Variants in CNOT4 observed in about 807,000 individuals in gnomAD.
CNOT4 encodes the protein CCR4-NOT transcription complex subunit 4.
Under a neutral mutation model 73.8 loss-of-function variants are expected in CNOT4, and 8 were observed. The ratio of observed to expected loss-of-function variants is 0.11; its 90% CI spans 0.06 to 0.20. The LOEUF (loss-of-function observed/expected upper bound fraction) is 0.20, where lower values mean the gene tolerates loss of function less well. Among genes scored for constraint, CNOT4 ranks in the 10% least tolerant of loss-of-function variants. CNOT4 has a pLI of 1.00. For synonymous variants in CNOT4, 293 were observed against 321.1 expected (o/e 0.91, Z 0.94); for missense variants, 564 against 883.4 (o/e 0.64, Z 4.58).
intron 10 of CNOT4, among the ~76,000 whole-genome samples, chr7:135,375,674 C>T (rs187253759): frequency 1.3e-4 from 20 of 152,266 alleles, no homozygotes; most frequent in African/African-American, 4.8e-4. Context: ...CCTGTAATCC[C>T]AGCACTTTGG....
chr7:135,493,790 G>A (rs1260260632), intron 1 of CNOT4, among the ~76,000 whole-genome samples: 1 of 152,172 alleles, frequency 6.6e-6, no homozygotes, highest in African/African-American at 2.4e-5. Context: ...GGGGAATCAT[G>A]CTTTTGGTCT....
chr7:135,394,453 T>C (rs112462371), intron 9 of CNOT4, 38 bp from the exon 10 acceptor site: 6 of 1,499,024 alleles, frequency 4.0e-6, no homozygotes, highest in Admixed American at 4.0e-5. Flanking sequence ...ATCAGATACA[T>C]AGCTCATTTT....
At chr7:135,472,883 A>G (rs1197357354) in intron 1 of CNOT4, among the ~76,000 whole-genome samples, 1 of 151,840 alleles carries the variant, frequency 6.6e-6, no homozygotes, top group Non-Finnish European at 1.5e-5. Flanking sequence ...CTATAAAAAA[A>G]CCAAAAGATT....
At chr7:135,425,296 A>G (rs1007964621) in intron 2 of CNOT4, among the ~76,000 whole-genome samples, 5 of 152,200 alleles carry the variant, frequency 3.3e-5, no homozygotes, top group Admixed American at 1.3e-4. Flanking sequence ...TTAGTATTCT[A>G]TGAGGTTGTA....
chr7:135,366,592 G>A (rs1794928022), intron 10 of CNOT4, among the ~76,000 whole-genome samples: 1 of 152,130 alleles, frequency 6.6e-6, no homozygotes, highest in South Asian at 2.1e-4. Flanking sequence ...AGTTTATAAT[G>A]CAACAATCTT....
intron 8 of CNOT4, among the ~76,000 whole-genome samples, chr7:135,397,610 A>AT (rs1388529148): frequency 6.6e-6 from 1 of 151,520 alleles, no homozygotes; most frequent in Non-Finnish European, 1.5e-5. Flanking sequence ...AACTAGCCAA[A>AT]AAAAAAAAAA....
intron 1 of CNOT4, among the ~76,000 whole-genome samples, chr7:135,487,536 G>T (rs758660992): frequency 2.0e-4 from 30 of 152,032 alleles, no homozygotes; most frequent in Non-Finnish European, 3.8e-4. Flanking sequence ...CACCACACCA[G>T]GTCTAATTTT....
At chr7:135,433,284 T>G (rs955275934) in intron 2 of CNOT4, among the ~76,000 whole-genome samples, 1 of 152,102 alleles carries the variant, frequency 6.6e-6, no homozygotes, top group Non-Finnish European at 1.5e-5. Flanking sequence ...ATTTTTGCTA[T>G]TATATTTTAA....
chr7:135,457,342 G>A lies in CNOT4; in HGVS notation c.-92-18919C>T, dbSNP rs538892144. On this transcript the variant is annotated intron_variant, in intron 1 of 11. Transcript: ENST00000541284. ...GGAAAGAGAAATGGAAGGAAGAAAT[G>A]TTATTTGAGGTTTAATTTTATGATT... is the stretch of plus-strand genomic sequence containing the variant. 2.0e-5 allele frequency among the ~76,000 whole-genome samples: 3 copies of A among 151,986 alleles called. 1 individual carries two copies. The highest frequency in any genetic ancestry group is 4.4e-5 in the Non-Finnish European group (3 of 67,914).
At chr7:135,381,454 T>G (rs1795842505) in intron 10 of CNOT4, among the ~76,000 whole-genome samples, 1 of 152,232 alleles carries the variant, frequency 6.6e-6, no homozygotes, top group Non-Finnish European at 1.5e-5. Context: ...ATCTCCTAAG[T>G]GTCTCTTGCC....
At chr7:135,450,551 A>G (rs1182960091) in intron 1 of CNOT4, among the ~76,000 whole-genome samples, 1 of 152,124 alleles carries the variant, frequency 6.6e-6, no homozygotes, top group Non-Finnish European at 1.5e-5. Flanking sequence ...ACGGGGTTTC[A>G]CCATGTTGAA....
intron 3 of CNOT4, among the ~76,000 whole-genome samples, chr7:135,418,383 T>C (rs991098387): frequency 1.3e-5 from 2 of 152,204 alleles, no homozygotes; most frequent in Non-Finnish European, 2.9e-5. Flanking sequence ...GTGGGCCAAT[T>C]TTCCTACTAA....
At chr7:135,500,263 TGAAG>T (rs1320636611) in intron 1 of CNOT4, among the ~76,000 whole-genome samples, 1 of 152,178 alleles carries the variant, frequency 6.6e-6, no homozygotes. Context: ...CCTGAGACAT[TGAAG>T]GAAGCATGAA....
intron 1 of CNOT4, among the ~76,000 whole-genome samples, chr7:135,484,751 T>C (rs1802609573): frequency 6.8e-6 from 1 of 146,650 alleles, no homozygotes; most frequent in African/African-American, 2.5e-5. Context: ...TGAGACTCTG[T>C]CTCAAAAAAA....
intron 1 of CNOT4, among the ~76,000 whole-genome samples, chr7:135,453,625 A>T (rs1800311855): frequency 6.6e-6 from 1 of 151,678 alleles, no homozygotes. Flanking sequence ...GATAACAGGT[A>T]TCTGGGTAAA....
At chr7:135,501,987 G>A (rs1251117757) in intron 1 of CNOT4, among the ~76,000 whole-genome samples, 1 of 152,204 alleles carries the variant, frequency 6.6e-6, no homozygotes, top group Admixed American at 6.5e-5. Flanking sequence ...AGTAATGGAA[G>A]TAGGTTCCTG....
At chr7:135,440,897 A>G (rs1342678880) in intron 1 of CNOT4, among the ~76,000 whole-genome samples, 2 of 151,870 alleles carry the variant, frequency 1.3e-5, no homozygotes, top group Admixed American at 6.6e-5. Flanking sequence ...CTGGTGACAG[A>G]GAGAGACTCC....
At chr7:135,495,970 GT>G (rs1803547781) in intron 1 of CNOT4, among the ~76,000 whole-genome samples, 1 of 152,084 alleles carries the variant, frequency 6.6e-6, no homozygotes, top group Non-Finnish European at 1.5e-5. Context: ...AGCACAAACT[GT>G]CTCAAGTTTT....
At chr7:135,422,524 A>G (rs1798248561) in intron 2 of CNOT4, among the ~76,000 whole-genome samples, 171 bp from the exon 3 acceptor site, 1 of 152,200 alleles carries the variant, frequency 6.6e-6, no homozygotes, top group Non-Finnish European at 1.5e-5. Context: ...CAAATGTTAA[A>G]TAAAATAGTT....
Sources: gnomAD v4.1 joint callset for allele counts (sites outside exome capture counted in the v4.1 genomes callset) on GRCh38, gnomAD v4.1.1 for gene constraint, MANE v1.5 for transcripts, NCBI Gene and HGNC (gene_info 2026-07-23, HGNC 2026-07-21) for gene names.